The following CHD5 variants were observed in gnomAD, a reference collection of about 807,000 sequenced individuals.
CHD5 encodes the protein ATP-dependent chromatin remodeler CHD5.
In CHD5, 69 loss-of-function variants were observed where a neutral mutation model predicts 230.3. That is an observed-to-expected ratio of 0.30 (90% CI 0.25 to 0.37). CHD5 has a LOEUF of 0.37. CHD5 is among the 10% of genes least tolerant of loss of function. The pLI, the probability that CHD5 is intolerant of heterozygous loss-of-function variation, is 1.00. For missense variants in CHD5, 1,827 were observed against 2,622.8 expected (o/e 0.70, Z 6.63); for synonymous variants, 1,064 against 1,065.9 (o/e 1.00, Z 0.03).
Position 6,130,421 on chromosome 1 carries a change from C to T in CHD5, c.3263-93G>A. ...GGGAGAGAACAGAGAGAAGGAACTG[C>T]AGCAACAGATCCCTGGCAGAGAAGG... On this transcript the variant is annotated intron_variant, in intron 21 of 41. Coordinates refer to ENST00000262450, the MANE Select transcript of CHD5 (RefSeq NM_015557.3). The surrounding 1 kb of genome is among the most constrained non-coding windows in gnomAD (Gnocchi z 4.9). 1 of 1,156,084 alleles carries T rather than the reference C, an allele frequency of 8.6e-7. No individual in the cohort carries two copies. Among genetic ancestry groups the T allele is most frequent in the South Asian group, 1.4e-5 (1 of 72,592 alleles). 71.6% of individuals were successfully genotyped at this position (1,156,084 alleles called of 1,614,324 possible).
rs1666110972 is a variant in CHD5, at chr1:6,103,650, C to T, written c.*1824G>A. On this transcript the variant is annotated 3_prime_UTR_variant, in exon 42 of 42. Transcript: ENST00000262450. ...GCACACAACACGCATGTGGATGAAC[C>T]ATAACATGTGAGCCCGCTGACAATC... 6.6e-6 allele frequency: 1 copy of T among 152,404 alleles called. No individual in the cohort carries two copies. Among genetic ancestry groups the T allele is most frequent in the African/African-American group, 2.4e-5 (1 of 41,568 alleles). The allele number at this position is 152,404 out of a possible 1,614,324, so 9.4% of individuals were successfully genotyped here. A position where few individuals can be genotyped will look rare whatever the true frequency, so the allele number is the denominator to read the frequency against.
At chr1:6,149,463 C>CTTTTTTA in intron 7 of CHD5, 51 bp from the exon 8 acceptor site, 1 of 1,550,680 alleles carries the variant, frequency 6.4e-7, no homozygotes, top group Non-Finnish European at 8.8e-7. Flanking sequence ...ACTCCCAGCA[C>CTTTTTTA]ACAACCAACT....
At chr1:6,140,039 G>A (rs976840006) in intron 15 of CHD5, among the ~76,000 whole-genome samples, 1 of 152,238 alleles carries the variant, frequency 6.6e-6, no homozygotes, top group African/African-American at 2.4e-5. Context: ...CCCCAAGGCT[G>A]TAGCACTGAC....
chr1:6,127,488 GAAA>G lies in CHD5; in HGVS notation c.3903+555_3903+557del, dbSNP rs60445684. 3.9e-3 allele frequency among the ~76,000 whole-genome samples: 544 copies of G among 141,166 alleles called. 2 individuals carry two copies. Among genetic ancestry groups the G allele is most frequent in the African/African-American group, 0.013 (499 of 38,504 alleles). The allele number at this position is 141,166 out of a possible 152,430, so 92.6% of individuals were successfully genotyped here. On this transcript the variant is annotated intron_variant, in intron 25 of 41. Transcript: ENST00000262450. ...GCGACAGAGCGAGACTCCATTTCAAGAAAAAAAAAAAAAGAAAATTGTGGGCCG... is the reference window on the plus strand; with the variant it reads ...GCGACAGAGCGAGACTCCATTTCAAGAAAAAAAAAAGAAAATTGTGGGCCG...
chr1:6,179,647 C>A (rs1310710443), intron 1 of CHD5, among the ~76,000 whole-genome samples: 1 of 149,614 alleles, frequency 6.7e-6, no homozygotes, highest in Non-Finnish European at 1.5e-5. Context: ...CAGCGCCGCG[C>A]CCCCCAGCGC....
rs943002741 is a variant in CHD5, at chr1:6,123,932, C to T, written c.4699+16G>A. ...CATGACCCCAGTGCCCTCCCCGGCC[C>T]GCCCAGCCCACAGACCTGGCAGGCC... On this transcript the variant is annotated intron_variant, in intron 31 of 41. Transcript: ENST00000262450. 35 of 1,440,104 alleles carry T rather than the reference C, an allele frequency of 2.4e-5. No individual in the cohort carries two copies. The highest frequency in any genetic ancestry group is 2.9e-5 in the African/African-American group (2 of 68,048). 89.2% of individuals were successfully genotyped at this position (1,440,104 alleles called of 1,614,324 possible). A position where few individuals can be genotyped will look rare whatever the true frequency, so the allele number is the denominator to read the frequency against.
In CHD5 at chr1:6,106,585, C is replaced by T. The variant is rs1341315970; in HGVS notation, c.5742+31G>A. The T allele has an allele frequency of 5.2e-6, 8 of 1,551,186 alleles. No individual in the cohort carries two copies. In the African/African-American group the frequency reaches 8.2e-5, roughly 16 times the overall value. ...CTCCACCCAGGGGCACGCCAGGGGGCTCGGGCCGGGGCACACAGGCCGAGC... is the reference window on the plus strand; with the variant it reads ...CTCCACCCAGGGGCACGCCAGGGGGTTCGGGCCGGGGCACACAGGCCGAGC... On this transcript the variant is annotated intron_variant, in intron 39 of 41. Transcript: ENST00000262450.
At position 6,103,046 on chromosome 1, in the gene CHD5, C is replaced by T. The variant is rs1366696745; in HGVS notation, c.*2428G>A. On this transcript the variant is annotated 3_prime_UTR_variant, in exon 42 of 42. Transcript: ENST00000262450. ...ACCCTGATTCTACCAGCAGCAAAAA[C>T]CAAACCCAGCCCAAAGACGCCAAAC... 6.6e-6 allele frequency: 1 copy of T among 152,596 alleles called. No individual in the cohort carries two copies. The highest frequency in any genetic ancestry group is 1.9e-4 in the East Asian group (1 of 5,180). The allele number at this position is 152,596 out of a possible 1,614,324, so 9.5% of individuals were successfully genotyped here.
chr1:6,109,473 GAC>G (rs1349173324), intron 38 of CHD5, among the ~76,000 whole-genome samples: 1 of 152,232 alleles, frequency 6.6e-6, no homozygotes, highest in Non-Finnish European at 1.5e-5. Flanking sequence ...CCGGGCTAAA[GAC>G]ACAGTGCATT....
chr1:6,180,061 T>A lies in CHD5; in HGVS notation c.-38A>T. The A allele has an allele frequency of 9.0e-7, 1 of 1,111,622 alleles. No homozygotes were observed. The highest frequency in any genetic ancestry group is 1.1e-6 in the Non-Finnish European group (1 of 882,306). The allele number at this position is 1,111,622 out of a possible 1,614,324, so 68.9% of individuals were successfully genotyped here. On this transcript the variant is annotated 5_prime_UTR_variant, in exon 1 of 42. Transcript: ENST00000262450. ...GAGGAGGGGAGGTGGGCGCCCCCCC[T>A]CCCGCCGGGCGCGGTGCCAGCCTTA... is the stretch of plus-strand genomic sequence containing the variant.
At chr1:6,170,722 C>T (rs771870152) in intron 1 of CHD5, among the ~76,000 whole-genome samples, 2 of 152,166 alleles carry the variant, frequency 1.3e-5, no homozygotes, top group African/African-American at 4.8e-5. Flanking sequence ...TGGGCTGCTC[C>T]GGCTGACCCC....
chr1:6,173,937 T>G (rs1169342647), intron 1 of CHD5, among the ~76,000 whole-genome samples: 1 of 152,086 alleles, frequency 6.6e-6, no homozygotes, highest in Non-Finnish European at 1.5e-5. Context: ...AGACATCACC[T>G]CATTGGTGTC....
chr1:6,151,813 G>A (rs2100866230), intron 6 of CHD5, among the ~76,000 whole-genome samples: 1 of 152,184 alleles, frequency 6.6e-6, no homozygotes, highest in East Asian at 1.9e-4. Flanking sequence ...CTGGGGTGAG[G>A]TGAGGGAGGC....
In CHD5 at chr1:6,110,471, T is replaced by C. The variant is rs754161216; in HGVS notation, c.5305A>G (p.Asn1769Asp). 1.7e-5 allele frequency: 27 copies of C among 1,613,862 alleles called. No homozygotes were observed. Among genetic ancestry groups the C allele is most frequent in the Non-Finnish European group, 2.1e-5 (25 of 1,179,990 alleles). The part of the protein sequence containing the change: ...IQNDPRYMIL[N>D]EPFKSEVHKG... ...TGGACCTCAGACTTGAAGGGCTCGTTGAGGATCATGTACCGTGGGTCATTC... is the reference window on the plus strand; with the variant it reads ...TGGACCTCAGACTTGAAGGGCTCGTCGAGGATCATGTACCGTGGGTCATTC... Residue 1769 changes from asparagine to aspartate, a missense_variant, in exon 37 of 42, where the codon AAC (asparagine) becomes GAC (aspartate). Physicochemically the swap from Asn to Asp is conservative, Grantham distance 23 (BLOSUM62 1). Transcript: ENST00000262450.
intron 3 of CHD5, among the ~76,000 whole-genome samples, chr1:6,157,320 G>A (rs1172941050): frequency 6.6e-6 from 1 of 152,236 alleles, no homozygotes; most frequent in African/African-American, 2.4e-5. Flanking sequence ...GGGCCAAGAA[G>A]CCCCGAGCTG....
Position 6,149,252 on chromosome 1 carries a change from G to A in CHD5, c.1155C>T (p.Pro385=). 6.2e-7 allele frequency: 1 copy of A among 1,604,014 alleles called. No individual in the cohort carries two copies. The highest frequency in any genetic ancestry group is 1.1e-5 in the South Asian group (1 of 89,942). ...GGGCTCTGCCAAGGCTTACACAGTG[G>A]GGGCAGCTCCACTTGCCCTCGGGAG... is the stretch of plus-strand genomic sequence containing the variant. The part of the protein sequence containing the change: ...EKAPEGKWSC[P]HCEKEGIQWE... The change falls in exon 8 of 42, where the codon CCC becomes CCT. Residue 385 remains proline, a synonymous_variant. Coordinates refer to ENST00000262450, the MANE Select transcript of CHD5 (RefSeq NM_015557.3).
At chr1:6,138,366 GTC>G (rs1666777130) in intron 15 of CHD5, among the ~76,000 whole-genome samples, 1 of 151,492 alleles carries the variant, frequency 6.6e-6, no homozygotes, top group Admixed American at 6.6e-5. Flanking sequence ...GACAGAGTGA[GTC>G]TCTGTCTCCA....
Position 6,125,854 on chromosome 1 carries a change from C to G in CHD5, c.4083G>C (p.Trp1361Cys). The G allele has an allele frequency of 6.2e-7, 1 of 1,611,644 alleles. No individual in the cohort carries two copies. The highest frequency in any genetic ancestry group is 8.5e-7 in the Non-Finnish European group (1 of 1,179,168). The stretch of plus-strand genomic sequence containing the variant: ...ACTGGTTATCAGAGAGCTCATCCTG[C>G]CACTCTGCAGGGGGCCAGACAGAGG... ...YNDASQEDQE[W>C]QDELSDNQSE... is the part of the protein sequence containing the mutation. The change falls in exon 27 of 42, where the codon TGG (tryptophan) becomes TGC (cysteine). Residue 1361 changes from tryptophan (W) to cysteine (C), a missense_variant. Trp to Cys is a radical substitution (Grantham distance 215). Coordinates refer to ENST00000262450, the MANE Select transcript of CHD5 (RefSeq NM_015557.3). This position sits in a 1 kb window ranked among gnomAD's most constrained non-coding sequence, Gnocchi z 6.7.
rs1159728436 is a variant in CHD5, at chr1:6,126,284, G to C, written c.4078+288C>G. On this transcript the variant is annotated intron_variant, in intron 26 of 41. Coordinates refer to ENST00000262450, the MANE Select transcript of CHD5 (RefSeq NM_015557.3). This position sits in a 1 kb window ranked among gnomAD's most constrained non-coding sequence, Gnocchi z 5.7. ...GGTCCTGCACAGGGATGCCCCAACA[G>C]AATCCTGCCCCACCCTCCACCTCTG... Among the ~76,000 whole-genome samples the C allele has an allele frequency of 6.6e-6, 1 of 151,888 alleles. No homozygotes were observed. The highest frequency in any genetic ancestry group is 1.5e-5 in the Non-Finnish European group (1 of 67,944).
Sources: allele counts gnomAD v4.1 joint callset (sites outside exome capture counted in the v4.1 genomes callset), GRCh38; gene constraint gnomAD v4.1.1; non-coding constraint Gnocchi (gnomAD v3.1); transcripts MANE v1.5; gene names NCBI Gene and HGNC (gene_info 2026-07-23, HGNC 2026-07-21).